Variants in COP1 observed in about 807,000 individuals in gnomAD.
The protein encoded by COP1 is E3 ubiquitin-protein ligase COP1.
In COP1, 24 loss-of-function variants were observed where a neutral mutation model predicts 101.3. That is an observed-to-expected ratio of 0.24 (90% CI 0.17 to 0.33). The LOEUF (loss-of-function observed/expected upper bound fraction) is 0.33. COP1 is among the 10% of genes least tolerant of loss of function. COP1 has a pLI of 1.00. For synonymous variants in COP1, 347 were observed against 341.9 expected, an observed-to-expected ratio of 1.01 and a Z score of -0.17; for missense variants, 663 against 906.2, an observed-to-expected ratio of 0.73 and a Z score of 3.45.
rs528714294 is a variant in COP1 at position 176,107,893 on chromosome 1, AAC to A, written c.1026+8729_1026+8730del. Among the ~76,000 whole-genome samples the A allele has an allele frequency of 1.6e-4, 25 of 152,294 alleles. No homozygotes were observed. In the South Asian group the frequency reaches 5.2e-3, roughly 32 times the overall value. ...CATAAGGAAACACAAGACAAATTCA[AAC>A]TGAGGGAAATCCTATAAATAACTTA... On this transcript the variant is annotated intron_variant, in intron 9 of 19. Transcript: ENST00000367669.
In COP1 at chr1:176,043,226, C is replaced by T. The variant is rs749947391; in HGVS notation, c.1572G>A (p.Met524Ile). Residue 524 changes from methionine to isoleucine, a missense_variant, in exon 14 of 20, where the codon ATG becomes ATA. Physicochemically the swap from Met to Ile is conservative, Grantham distance 10 (BLOSUM62 1). This residue lies in a region of COP1 where 209 missense variants were observed against 383.3 expected (regional missense o/e 0.55). Transcript: ENST00000367669. Reference protein sequence around the residue: ...KRCWSVDFNLMDPKLLASGSD... With the variant: ...KRCWSVDFNLIDPKLLASGSD... Reference sequence around the variant, plus strand: ...AACCTGAAGCCAAGAGTTTAGGATCCATCAAATTAAAGTCAACACTCCAAC... The same window carrying T: ...AACCTGAAGCCAAGAGTTTAGGATCTATCAAATTAAAGTCAACACTCCAAC... 1 of 1,612,962 alleles carries T rather than the reference C, an allele frequency of 6.2e-7. No individual in the cohort carries two copies. The highest frequency in any genetic ancestry group is 8.5e-7 in the Non-Finnish European group (1 of 1,179,368).
chr1:175,995,151 T>C (rs2148808696), intron 15 of COP1, among the ~76,000 whole-genome samples: 1 of 152,186 alleles, frequency 6.6e-6, no homozygotes, highest in Admixed American at 6.5e-5. Flanking sequence ...GACTACCGGG[T>C]ACATAACGAA....
chr1:176,030,929 A>C (rs1323394195), intron 14 of COP1, among the ~76,000 whole-genome samples: 1 of 152,220 alleles, frequency 6.6e-6, no homozygotes, highest in Admixed American at 6.5e-5. Context: ...TGGTGTCTTC[A>C]TAAGGAGAGA....
chr1:176,096,546 T>C (rs544780712), intron 9 of COP1, among the ~76,000 whole-genome samples: 1 of 152,358 alleles, frequency 6.6e-6, no homozygotes, highest in Admixed American at 6.5e-5. Context: ...AGACTACCAT[T>C]GGTCTGAGCC....
At chr1:176,006,496 C>T (rs1444284751) in intron 15 of COP1, among the ~76,000 whole-genome samples, 1 of 152,182 alleles carries the variant, frequency 6.6e-6, no homozygotes, top group Non-Finnish European at 1.5e-5. Flanking sequence ...TGGGTTGTTC[C>T]TTTTCATGTT....
intron 14 of COP1, among the ~76,000 whole-genome samples, chr1:176,031,069 G>T (rs189548130): frequency 5.3e-5 from 8 of 152,238 alleles, no homozygotes; most frequent in Admixed American, 5.2e-4. Flanking sequence ...AAGGAGACAA[G>T]AAATAATTTT....
intron 3 of COP1, among the ~76,000 whole-genome samples, chr1:176,165,783 T>C (rs1338788218): frequency 1.3e-5 from 2 of 152,128 alleles, no homozygotes; most frequent in Non-Finnish European, 2.9e-5. Context: ...GATTAAGAAC[T>C]AAGCCTGGAA....
intron 16 of COP1, 36 bp from the exon 17 acceptor site, chr1:175,988,448 A>G: frequency 1.3e-6 from 2 of 1,540,940 alleles, no homozygotes; most frequent in Non-Finnish European, 1.8e-6. Context: ...ACTTACTTAA[A>G]ATTTCTTGGC....
chr1:176,170,517 G>A (rs947362333), intron 3 of COP1, among the ~76,000 whole-genome samples: 4 of 152,174 alleles, frequency 2.6e-5, no homozygotes, highest in Non-Finnish European at 4.4e-5. Flanking sequence ...TCAATGAGCA[G>A]TAGTATTTTG....
chr1:176,178,610 G>A (rs1380882073), intron 2 of COP1, among the ~76,000 whole-genome samples: 2 of 152,156 alleles, frequency 1.3e-5, no homozygotes, highest in African/African-American at 4.8e-5. Context: ...CCAGCACTAT[G>A]GGAGGCCAAG....
intron 9 of COP1, among the ~76,000 whole-genome samples, chr1:176,114,856 T>C (rs1233605600): frequency 6.6e-6 from 1 of 152,212 alleles, no homozygotes; most frequent in Non-Finnish European, 1.5e-5. Context: ...TAATACTTTA[T>C]CAATATTAAC....
chr1:176,133,690 C>T (rs116207890), intron 8 of COP1, among the ~76,000 whole-genome samples: 95 of 151,872 alleles, frequency 6.3e-4, no homozygotes, highest in African/African-American at 2.2e-3. Context: ...TCATAAAATC[C>T]AACAATCAGT....
At position 176,193,868 on chromosome 1, in the gene COP1, T is replaced by G. The variant is rs985934827; in HGVS notation, c.408-9176A>C. Among the ~76,000 whole-genome samples the G allele has an allele frequency of 3.3e-5, 5 of 152,094 alleles. No individual in the cohort carries two copies. The South Asian group carries it at 1.0e-3, about 32-fold the overall frequency. On this transcript the variant is annotated intron_variant, in intron 1 of 19. Transcript: ENST00000367669. ...ATAAAAATGTTCTGAAAATAGACAG[T>G]GGTGATGGTTGTGAAACACTGCCAA... is the stretch of plus-strand genomic sequence containing the variant.
chr1:176,153,141 A>G (rs1216793311), intron 5 of COP1, among the ~76,000 whole-genome samples: 1 of 152,078 alleles, frequency 6.6e-6, no homozygotes, highest in African/African-American at 2.4e-5. Flanking sequence ...CCAGTTCTCA[A>G]TTCTAGCCTC....
intron 15 of COP1, among the ~76,000 whole-genome samples, chr1:176,021,306 T>C (rs557625233): frequency 1.0e-3 from 156 of 152,274 alleles, no homozygotes; most frequent in African/African-American, 3.6e-3. Context: ...AGTAAAAGCA[T>C]TAAAAAACAC....
At chr1:176,007,974 T>C (rs1163990781) in intron 15 of COP1, among the ~76,000 whole-genome samples, 1 of 152,160 alleles carries the variant, frequency 6.6e-6, no homozygotes, top group African/African-American at 2.4e-5. Flanking sequence ...GATCTCAGAC[T>C]GCTCTGCTAG....
At chr1:175,949,647 G>T (rs1316755190) in intron 18 of COP1, among the ~76,000 whole-genome samples, 1 of 152,200 alleles carries the variant, frequency 6.6e-6, no homozygotes, top group East Asian at 1.9e-4. Context: ...ACAGACTCTG[G>T]TCTGCAAGAA....
intron 8 of COP1, 97 bp downstream of exon 8, chr1:176,134,913 G>C (rs1056659636): frequency 1.4e-5 from 11 of 795,186 alleles, no homozygotes; most frequent in Non-Finnish European, 2.3e-5. Context: ...ATTTCTCAGG[G>C]GTTTCATACA....
At chr1:176,123,442 G>A (rs1156827515) in intron 8 of COP1, among the ~76,000 whole-genome samples, 4 of 152,034 alleles carry the variant, frequency 2.6e-5, no homozygotes, top group African/African-American at 7.2e-5. Flanking sequence ...TAGAATCAAA[G>A]TATATCTATA....
Sources: gnomAD v4.1 joint callset for allele counts (sites outside exome capture counted in the v4.1 genomes callset) on GRCh38, gnomAD v4.1.1 for gene constraint, gnomAD v4.1.1 regional missense constraint, MANE v1.5 for transcripts, NCBI Gene and HGNC (gene_info 2026-07-23, HGNC 2026-07-21) for gene names.